Variants in TRPC1 observed in about 807,000 individuals in gnomAD.
TRPC1 encodes the protein short transient receptor potential channel 1.
TRPC1 carries 42 observed loss-of-function variants against 88.2 expected under a neutral mutation model. The ratio of observed to expected loss-of-function variants is 0.48; its 90% CI spans 0.37 to 0.62. The LOEUF is 0.62. Among genes scored for constraint, TRPC1 ranks in the 20% least tolerant of loss-of-function variants. The pLI is 0.00. For synonymous variants in TRPC1, 288 were observed against 331.8 expected (o/e 0.87, Z 1.43); for missense variants, 699 against 957.3 (o/e 0.73, Z 3.56).
In TRPC1 at chr3:142,806,239, T is replaced by A; in HGVS notation, c.*4T>A. The A allele has an allele frequency of 6.3e-7, 1 of 1,595,426 alleles. No individual in the cohort carries two copies. The highest frequency in any genetic ancestry group is 8.6e-7 in the Non-Finnish European group (1 of 1,166,236). ...TATGTTTTATCCAAGAAATTAACCA[T>A]TTTCTAAATCATGGAGCGAATAATT... On this transcript the variant is annotated 3_prime_UTR_variant, in exon 13 of 13. Transcript: ENST00000476941.
rs554852211 is a variant in TRPC1, at chr3:142,724,036, C to G, written c.-524C>G. ...GCCGCAGGCTCCTCCCTAGTGTCGT[C>G]GCTACAGAGGAGCAGAGGATGACGT... On this transcript the variant is annotated 5_prime_UTR_variant, in exon 1 of 13. Transcript: ENST00000476941. The surrounding 1 kb of genome is among the most constrained non-coding windows in gnomAD (Gnocchi z 5.6). 1.4e-5 allele frequency: 2 copies of G among 140,930 alleles called. No homozygotes were observed. The highest frequency in any genetic ancestry group is 3.1e-5 in the Non-Finnish European group (2 of 65,248). 8.7% of individuals were successfully genotyped at this position (140,930 alleles called of 1,614,324 possible). A position where few individuals can be genotyped will look rare whatever the true frequency, so the allele number is the denominator to read the frequency against.
rs779602835 is a variant in TRPC1, at chr3:142,748,368, A to G, written c.540A>G (p.Lys180=). 1 of 1,614,152 alleles carries G rather than the reference A, an allele frequency of 6.2e-7. No individual in the cohort carries two copies. The highest frequency in any genetic ancestry group is 8.5e-7 in the Non-Finnish European group (1 of 1,180,000). ...ATGAAATTCTTACAATGCTCTTAAA[A>G]CAGGATGTATCTCTACCCAAGCCCC... ...NNYEILTMLL[K]QDVSLPKPHA... Residue 180 remains lysine (K), a synonymous_variant, in exon 4 of 13, where the codon AAA becomes AAG. Transcript: ENST00000476941.
intron 5 of TRPC1, among the ~76,000 whole-genome samples, chr3:142,778,753 G>A (rs1935866405): frequency 1.3e-5 from 2 of 152,150 alleles, no homozygotes; most frequent in South Asian, 2.1e-4. Flanking sequence ...TCCTGGAAGG[G>A]CAGTAAGAAA....
chr3:142,762,119 T>G (rs1372501932), intron 4 of TRPC1, among the ~76,000 whole-genome samples: 1 of 152,050 alleles, frequency 6.6e-6, no homozygotes, highest in Non-Finnish European at 1.5e-5. Flanking sequence ...CACCGCAGCC[T>G]TGACCTCCTA....
chr3:142,791,701 C>T (rs1179419160), intron 8 of TRPC1, among the ~76,000 whole-genome samples: 1 of 151,978 alleles, frequency 6.6e-6, no homozygotes, highest in African/African-American at 2.4e-5. Flanking sequence ...AAAGAGTTTC[C>T]ATTCCATTCC....
At chr3:142,772,844 G>A (rs1265570772) in intron 4 of TRPC1, among the ~76,000 whole-genome samples, 2 of 152,148 alleles carry the variant, frequency 1.3e-5, no homozygotes, top group African/African-American at 2.4e-5. Context: ...CTAGAAGTCA[G>A]AAATGAAGAT....
At chr3:142,739,415 T>C (rs1934261342) in intron 2 of TRPC1, among the ~76,000 whole-genome samples, 1 of 152,210 alleles carries the variant, frequency 6.6e-6, no homozygotes, top group Non-Finnish European at 1.5e-5. Flanking sequence ...TTACCTATTA[T>C]GCTAATCTAC....
chr3:142,747,094 T>C (rs1314532936), intron 3 of TRPC1, among the ~76,000 whole-genome samples: 1 of 152,190 alleles, frequency 6.6e-6, no homozygotes, highest in Non-Finnish European at 1.5e-5. Flanking sequence ...GCTTTATGGA[T>C]TATTAAAAGG....
At chr3:142,749,149 A>T (rs886661370) in intron 4 of TRPC1, among the ~76,000 whole-genome samples, 1 of 152,170 alleles carries the variant, frequency 6.6e-6, no homozygotes, top group African/African-American at 2.4e-5. Context: ...ATTAAAATGG[A>T]GCTGAAAAAT....
At chr3:142,736,346 G>A in intron 1 of TRPC1, 33 bp from the exon 2 acceptor site, 1 of 1,495,656 alleles carries the variant, frequency 6.7e-7, no homozygotes, top group Non-Finnish European at 9.0e-7. Flanking sequence ...ATATGTCACG[G>A]ATATTAAATT....
Position 142,736,387 on chromosome 3 carries a change from T to C in TRPC1, c.181T>C (p.Tyr61His). The C allele has an allele frequency of 1.9e-6, 3 of 1,603,516 alleles. No homozygotes were observed. Among genetic ancestry groups the C allele is most frequent in the Non-Finnish European group, 2.6e-6 (3 of 1,175,778 alleles). Reference sequence around the variant, plus strand: ...TGTATATTGTTATTTAGGTGACTATTATATGGTTAAAAAGATTTTGGAGGA... The same window carrying C: ...TGTATATTGTTATTTAGGTGACTATCATATGGTTAAAAAGATTTTGGAGGA... ...FLLACDKGDY[Y>H]MVKKILEENS... The change falls in exon 2 of 13, where the codon TAT becomes CAT. Residue 61 changes from tyrosine (Y) to histidine (H), a missense_variant. Physicochemically the swap from Tyr to His is moderately conservative, Grantham distance 83. This residue lies in a region of TRPC1 where 157 missense variants were observed against 127.0 expected (regional missense o/e 1.24). Transcript: ENST00000476941.
intron 4 of TRPC1, among the ~76,000 whole-genome samples, chr3:142,752,117 T>G (rs1293965959): frequency 1.3e-5 from 2 of 151,722 alleles, no homozygotes; most frequent in African/African-American, 4.9e-5. Flanking sequence ...AGAAAAGAAA[T>G]AAGACACAGA....
Position 142,806,325 on chromosome 3 carries a change from A to G in TRPC1, c.*90A>G, listed in dbSNP as rs190713994. The G allele has an allele frequency of 1.1e-4, 110 of 964,830 alleles. 1 individual carries two copies. In the Admixed American group the frequency reaches 2.4e-3, roughly 21 times the overall value. The allele number at this position is 964,830 out of a possible 1,614,324, so 59.8% of individuals were successfully genotyped here. On this transcript the variant is annotated 3_prime_UTR_variant, in exon 13 of 13. Coordinates refer to ENST00000476941, the MANE Select transcript of TRPC1 (RefSeq NM_001251845.2). ...TTGCAATGAAATTAATGAGATATAT[A>G]TTGAAATAAAGAATTATGTAAAAGC...
intron 4 of TRPC1, among the ~76,000 whole-genome samples, chr3:142,773,118 C>G (rs927225796): frequency 3.9e-5 from 6 of 152,160 alleles, no homozygotes; most frequent in African/African-American, 1.4e-4. Flanking sequence ...AGAACTTCAG[C>G]ATATGAAATT....
intron 1 of TRPC1, among the ~76,000 whole-genome samples, chr3:142,733,589 C>T (rs1934015753): frequency 6.6e-6 from 1 of 152,144 alleles, no homozygotes; most frequent in African/African-American, 2.4e-5. Context: ...GCAATCTAAA[C>T]TTTTAAACAT....
At chr3:142,781,624 A>T (rs1935959500) in intron 6 of TRPC1, among the ~76,000 whole-genome samples, 1 of 152,132 alleles carries the variant, frequency 6.6e-6, no homozygotes, top group African/African-American at 2.4e-5. Context: ...AGATATGCCC[A>T]TTTCTACTCC....
At chr3:142,803,865 A>G in intron 10 of TRPC1, 112 bp from the exon 11 acceptor site, 1 of 1,119,696 alleles carries the variant, frequency 8.9e-7, no homozygotes, top group East Asian at 2.6e-5. Flanking sequence ...TAAATAAGGA[A>G]CTTTTCATGG....
At chr3:142,742,264 T>A (rs1934380961) in intron 2 of TRPC1, among the ~76,000 whole-genome samples, 1 of 152,154 alleles carries the variant, frequency 6.6e-6, no homozygotes, top group South Asian at 2.1e-4. Flanking sequence ...TGCTAAAATC[T>A]GAAGAGAAAT....
At chr3:142,796,307 T>C (rs2108151031) in intron 9 of TRPC1, among the ~76,000 whole-genome samples, 1 of 152,234 alleles carries the variant, frequency 6.6e-6, no homozygotes, top group South Asian at 2.1e-4. Flanking sequence ...TAACTCTTAC[T>C]GTATAACTTC....
Sources: gnomAD v4.1 joint callset for allele counts (sites outside exome capture counted in the v4.1 genomes callset) on GRCh38, gnomAD v4.1.1 for gene constraint, gnomAD v4.1.1 regional missense constraint, Gnocchi (gnomAD v3.1) non-coding constraint, MANE v1.5 for transcripts, NCBI Gene and HGNC (gene_info 2026-07-23, HGNC 2026-07-21) for gene names.